The following PTK2 variants were observed in gnomAD, a reference collection of about 807,000 sequenced individuals.
The protein encoded by PTK2 is protein tyrosine kinase 2, also known as focal adhesion kinase 1.
In PTK2, 45 loss-of-function variants were observed where a neutral mutation model predicts 150.1. The ratio of observed to expected loss-of-function variants is 0.30; its 90% confidence interval spans 0.24 to 0.38. PTK2 has a LOEUF of 0.38. Among genes scored for constraint, PTK2 ranks in the 10% least tolerant of loss-of-function variants. The probability of loss-of-function intolerance (pLI) is 1.00; values close to 1 mark genes in which losing one functional copy is unlikely to be tolerated. For synonymous variants in PTK2, 432 were observed against 449.2 expected, an observed-to-expected ratio of 0.96 and a Z score of 0.48; for missense variants, 919 against 1,307.3, an observed-to-expected ratio of 0.70 and a Z score of 4.58.
chr8:140,857,043 G>C (rs1387719033), intron 5 of PTK2, among the ~76,000 whole-genome samples: 1 of 152,090 alleles, frequency 6.6e-6, no homozygotes, highest in Non-Finnish European at 1.5e-5. Flanking sequence ...CAATGTCGTA[G>C]AAAAAATAAA....
chr8:140,687,378 T>C (rs955530376), intron 26 of PTK2, among the ~76,000 whole-genome samples: 1 of 152,130 alleles, frequency 6.6e-6, no homozygotes, highest in Non-Finnish European at 1.5e-5. Flanking sequence ...AAAACTTCTG[T>C]TCACTCTTCA....
chr8:140,964,599 T>C (rs923574343), intron 1 of PTK2, among the ~76,000 whole-genome samples: 4 of 146,758 alleles, frequency 2.7e-5, no homozygotes, highest in African/African-American at 1.0e-4. Flanking sequence ...TCTCACTATA[T>C]TACCCAGGCT....
intron 5 of PTK2, among the ~76,000 whole-genome samples, chr8:140,862,993 G>A (rs370475569): frequency 2.0e-5 from 3 of 152,056 alleles, no homozygotes; most frequent in South Asian, 2.1e-4. Context: ...ACACACCCCC[G>A]CCAACAGCTG....
At chr8:140,823,893 T>A (rs900679317) in intron 8 of PTK2, among the ~76,000 whole-genome samples, 2 of 152,190 alleles carry the variant, frequency 1.3e-5, no homozygotes, top group African/African-American at 4.8e-5. Context: ...CTGTTAGACT[T>A]TACGCCCGTA....
At chr8:140,849,091 A>T (rs2100127481) in intron 5 of PTK2, among the ~76,000 whole-genome samples, 1 of 152,218 alleles carries the variant, frequency 6.6e-6, no homozygotes, top group African/African-American at 2.4e-5. Flanking sequence ...ATGAGTTCAA[A>T]GTTCTGAGAG....
At chr8:140,806,277 TAA>T (rs1320086232) in intron 10 of PTK2, among the ~76,000 whole-genome samples, 1 of 152,204 alleles carries the variant, frequency 6.6e-6, no homozygotes, top group Non-Finnish European at 1.5e-5. Flanking sequence ...GAAGTTTTAT[TAA>T]GAGTTCCTCA....
chr8:140,918,032 G>A (rs1233013341), intron 2 of PTK2, among the ~76,000 whole-genome samples: 1 of 152,198 alleles, frequency 6.6e-6, no homozygotes, highest in Non-Finnish European at 1.5e-5. Flanking sequence ...CACCTAGTAT[G>A]TGCCAAGCAT....
chr8:140,882,262 AT>A (rs2100149585), intron 3 of PTK2, among the ~76,000 whole-genome samples: 1 of 152,210 alleles, frequency 6.6e-6, no homozygotes, highest in Non-Finnish European at 1.5e-5. Context: ...AACTCAACAA[AT>A]AATTCTGAGA....
chr8:140,987,872 G>A (rs778676689), intron 1 of PTK2, among the ~76,000 whole-genome samples: 3 of 151,990 alleles, frequency 2.0e-5, no homozygotes, highest in Non-Finnish European at 2.9e-5. Context: ...ACTAGACCTC[G>A]TCTCTACAAA....
intron 3 of PTK2, among the ~76,000 whole-genome samples, chr8:140,886,754 A>G (rs1364036880): frequency 1.3e-5 from 2 of 152,234 alleles, no homozygotes; most frequent in African/African-American, 4.8e-5. Context: ...CTTCTAAAGT[A>G]CATGTTATTT....
chr8:140,895,522 C>CT (rs1458401409), intron 2 of PTK2, among the ~76,000 whole-genome samples: 4 of 93,178 alleles, frequency 4.3e-5, no homozygotes, highest in Admixed American at 3.0e-4. Context: ...ACCCTGTCTC[C>CT]TTTAAAAAAA....
chr8:140,795,075 T>G (rs1323252172), intron 12 of PTK2, among the ~76,000 whole-genome samples: 3 of 152,338 alleles, frequency 2.0e-5, no homozygotes, highest in African/African-American at 7.2e-5. Context: ...CAAAGTCCTC[T>G]TACTTGTCAC....
chr8:140,818,141 A>T, intron 10 of PTK2, 136 bp downstream of exon 10: 1 of 739,758 alleles, frequency 1.4e-6, no homozygotes, highest in Non-Finnish European at 2.3e-6. Flanking sequence ...CTTGTCCCCC[A>T]CTCCACTGAA....
chr8:140,821,708 C>G (rs1297777445), intron 8 of PTK2: 1 of 152,210 alleles, frequency 6.6e-6, no homozygotes, highest in Non-Finnish European at 1.5e-5. Flanking sequence ...AAGGCCAAAG[C>G]TAAGTAAGCT....
chr8:140,883,357 G>A (rs978196919), intron 3 of PTK2, among the ~76,000 whole-genome samples: 2 of 152,130 alleles, frequency 1.3e-5, no homozygotes, highest in African/African-American at 4.8e-5. Flanking sequence ...TGGTTTGTGG[G>A]GAGGAGGGGA....
At chr8:140,955,764 A>T (rs1455728327) in intron 1 of PTK2, among the ~76,000 whole-genome samples, 2 of 152,160 alleles carry the variant, frequency 1.3e-5, no homozygotes, top group Admixed American at 1.3e-4. Flanking sequence ...ACTAAGAACC[A>T]ATTCCATTTC....
At chr8:140,873,154 G>C (rs1036076819) in intron 4 of PTK2, among the ~76,000 whole-genome samples, 2 of 152,188 alleles carry the variant, frequency 1.3e-5, no homozygotes, top group Non-Finnish European at 2.9e-5. Context: ...AGGATGGTAG[G>C]GCATGTAATC....
intron 31 of PTK2, among the ~76,000 whole-genome samples, chr8:140,661,988 G>C (rs2080920663): frequency 6.6e-6 from 1 of 152,014 alleles, no homozygotes; most frequent in Non-Finnish European, 1.5e-5. Flanking sequence ...TCAAAGACAG[G>C]CTCCTCTTCT....
intron 1 of PTK2, among the ~76,000 whole-genome samples, chr8:140,972,461 C>T (rs1310145901): frequency 6.6e-6 from 1 of 152,132 alleles, no homozygotes; most frequent in African/African-American, 2.4e-5. Context: ...AACGGGGTTT[C>T]ACCATGTTGG....
Sources: gnomAD v4.1 joint callset for allele counts (sites outside exome capture counted in the v4.1 genomes callset) on GRCh38, gnomAD v4.1.1 for gene constraint, MANE v1.5 for transcripts, NCBI Gene and HGNC (gene_info 2026-07-23, HGNC 2026-07-21) for gene names.